The following CLSTN2 variants were observed in gnomAD, a reference collection of about 807,000 sequenced individuals.
CLSTN2 encodes calsyntenin 2, also known as calsyntenin-2.
In CLSTN2, 48 loss-of-function variants were observed where a neutral mutation model predicts 101.2. The observed-to-expected ratio is 0.47, with a 90% CI of 0.38 to 0.60. The LOEUF (loss-of-function observed/expected upper bound fraction) is 0.60, where lower values mean the gene tolerates loss of function less well. Among genes scored for constraint, CLSTN2 ranks in the 20% least tolerant of loss-of-function variants. The pLI, the probability that CLSTN2 is intolerant of heterozygous loss-of-function variation, is 0.00. For synonymous variants in CLSTN2, 481 were observed against 463.6 expected (o/e 1.04, Z -0.48); for missense variants, 1,160 against 1,238.2 (o/e 0.94, Z 0.95).
intron 1 of CLSTN2, among the ~76,000 whole-genome samples, chr3:139,982,682 G>A (rs1364564537): frequency 6.6e-6 from 1 of 152,200 alleles, no homozygotes. Context: ...CTCCTGTGGA[G>A]TAATGCATCA....
rs142209408 is a variant in CLSTN2 at position 140,478,650 on chromosome 3, T to C, written c.1344+11919T>C. Among the ~76,000 whole-genome samples, 339 of 152,296 alleles carry C rather than the reference T, an allele frequency of 2.2e-3. 2 individuals carry two copies. Among genetic ancestry groups the C allele is most frequent in the African/African-American group, 7.8e-3 (324 of 41,570 alleles). On this transcript the variant is annotated intron_variant, in intron 8 of 16. Coordinates refer to ENST00000458420, the MANE Select transcript of CLSTN2 (RefSeq NM_022131.3). Reference sequence around the variant, plus strand: ...TAATGGAAATGTTCTAAAACTGGATTGCAGTGATGGTTGCACAACTATATA... The same window carrying C: ...TAATGGAAATGTTCTAAAACTGGATCGCAGTGATGGTTGCACAACTATATA...
chr3:140,176,184 C>T (rs973351608), intron 2 of CLSTN2, 111 bp downstream of exon 2: 1 of 1,178,040 alleles, frequency 8.5e-7, no homozygotes, highest in Non-Finnish European at 1.2e-6. Context: ...CCCTGTGCAT[C>T]TCTAGATCAG....
At chr3:140,011,962 A>G (rs1342951402) in intron 1 of CLSTN2, among the ~76,000 whole-genome samples, 1 of 152,080 alleles carries the variant, frequency 6.6e-6, no homozygotes, top group African/African-American at 2.4e-5. Flanking sequence ...GGCCATTGCA[A>G]TACTTCACTG....
intron 1 of CLSTN2, among the ~76,000 whole-genome samples, chr3:140,143,069 T>C (rs1360190166): frequency 6.6e-6 from 1 of 152,204 alleles, no homozygotes; most frequent in Admixed American, 6.5e-5. Context: ...GGTTGTTGGC[T>C]GCTATGAATT....
At chr3:140,420,308 G>A (rs2088486655) in intron 4 of CLSTN2, among the ~76,000 whole-genome samples, 2 of 150,806 alleles carry the variant, frequency 1.3e-5, no homozygotes, top group African/African-American at 4.9e-5. Context: ...AAAAAAAGTA[G>A]TAGGAATGAA....
intron 2 of CLSTN2, among the ~76,000 whole-genome samples, chr3:140,233,633 G>T (rs929582887): frequency 6.6e-6 from 1 of 152,164 alleles, no homozygotes; most frequent in Non-Finnish European, 1.5e-5. Context: ...AATGGGCCAA[G>T]TTTTCCCTGC....
chr3:140,053,878 A>C (rs1370968402), intron 1 of CLSTN2, among the ~76,000 whole-genome samples: 1 of 152,200 alleles, frequency 6.6e-6, no homozygotes, highest in Non-Finnish European at 1.5e-5. Flanking sequence ...GTATCAACAC[A>C]TGTAAGGAAC....
intron 4 of CLSTN2, among the ~76,000 whole-genome samples, chr3:140,416,297 GT>G (rs1377747730): frequency 6.6e-6 from 1 of 152,084 alleles, no homozygotes; most frequent in African/African-American, 2.4e-5. Flanking sequence ...GTACAGCAGG[GT>G]GACTATAGCT....
intron 8 of CLSTN2, among the ~76,000 whole-genome samples, chr3:140,503,053 C>T (rs909669817): frequency 3.3e-5 from 5 of 152,172 alleles, no homozygotes; most frequent in Admixed American, 3.3e-4. Flanking sequence ...TAGCCCCTTT[C>T]ATCTTTAAGG....
intron 1 of CLSTN2, among the ~76,000 whole-genome samples, chr3:140,049,520 G>A (rs560704138): frequency 2.6e-5 from 4 of 152,134 alleles, no homozygotes; most frequent in Non-Finnish European, 5.9e-5. Flanking sequence ...CCTCCCTGAG[G>A]GGGGACTATT....
intron 4 of CLSTN2, among the ~76,000 whole-genome samples, chr3:140,408,901 T>TC (rs1358543196): frequency 1.3e-5 from 2 of 152,236 alleles, no homozygotes; most frequent in Non-Finnish European, 2.9e-5. Flanking sequence ...TGTATCTGGC[T>TC]TCTGTGCCTA....
chr3:140,119,380 A>G (rs2009301537), intron 1 of CLSTN2, among the ~76,000 whole-genome samples: 2 of 152,240 alleles, frequency 1.3e-5, no homozygotes, highest in South Asian at 2.1e-4. Flanking sequence ...CTAGGCTGCT[A>G]AGATGTACAG....
chr3:140,393,787 G>A (rs528286624), intron 2 of CLSTN2, among the ~76,000 whole-genome samples: 2 of 152,230 alleles, frequency 1.3e-5, no homozygotes, highest in East Asian at 3.9e-4. Flanking sequence ...TTGACAGTGG[G>A]AAAACAATTT....
Position 140,345,642 on chromosome 3 carries a change from G to A in CLSTN2, c.233-57987G>A, listed in dbSNP as rs1455613138. Among the ~76,000 whole-genome samples the A allele has an allele frequency of 2.8e-5, 4 of 142,826 alleles. No individual in the cohort carries two copies. The Admixed American group carries it at 2.9e-4, about 10-fold the overall frequency. 93.7% of individuals were successfully genotyped at this position (142,826 alleles called of 152,430 possible). A position where few individuals can be genotyped will look rare whatever the true frequency, so the allele number is the denominator to read the frequency against. On this transcript the variant is annotated intron_variant, in intron 2 of 16. Transcript: ENST00000458420. ...TTTTTTGGTACAGGGCATGGAGCCAGAAGCATGGAGCAGAAGGCCGTGCAT... is the reference window on the plus strand; with the variant it reads ...TTTTTTGGTACAGGGCATGGAGCCAAAAGCATGGAGCAGAAGGCCGTGCAT...
chr3:139,979,507 G>A (rs939040714), intron 1 of CLSTN2, among the ~76,000 whole-genome samples: 10 of 152,160 alleles, frequency 6.6e-5, no homozygotes, highest in Non-Finnish European at 1.0e-4. Flanking sequence ...GAGATTGCTC[G>A]CCTACATGTC....
At chr3:140,321,597 C>T (rs1223187467) in intron 2 of CLSTN2, among the ~76,000 whole-genome samples, 3 of 152,062 alleles carry the variant, frequency 2.0e-5, no homozygotes, top group African/African-American at 7.2e-5. Flanking sequence ...ATTTTTGCTG[C>T]ACATTTTAGC....
At chr3:140,182,281 A>G (rs575172930) in intron 2 of CLSTN2, among the ~76,000 whole-genome samples, 14 of 152,356 alleles carry the variant, frequency 9.2e-5, no homozygotes, top group Non-Finnish European at 1.9e-4. Context: ...TAAATGCACT[A>G]GAGTTTTTAA....
At chr3:140,473,744 GT>G (rs34435215) in intron 8 of CLSTN2, among the ~76,000 whole-genome samples, 20,144 of 149,096 alleles carry the variant, frequency 0.14, 1,448 homozygotes, top group African/African-American at 0.18. Context: ...GGTTTTTTGT[GT>G]TTTTTTTTTG....
chr3:140,097,861 C>A (rs912272581), intron 1 of CLSTN2, among the ~76,000 whole-genome samples: 2 of 152,130 alleles, frequency 1.3e-5, no homozygotes, highest in African/African-American at 4.8e-5. Context: ...TGCAAATGGG[C>A]AGCTTTGATT....
Sources: gnomAD v4.1 joint callset for allele counts (sites outside exome capture counted in the v4.1 genomes callset) on GRCh38, gnomAD v4.1.1 for gene constraint, MANE v1.5 for transcripts, NCBI Gene and HGNC (gene_info 2026-07-23, HGNC 2026-07-21) for gene names.